The following SORCS2 variants were observed in gnomAD, a reference collection of about 807,000 sequenced individuals.
SORCS2 encodes the protein sortilin related VPS10 domain containing receptor 2.
SORCS2 carries 100 observed loss-of-function variants against 141.6 expected under a neutral mutation model. The observed-to-expected ratio is 0.71, with a 90% CI of 0.60 to 0.83. The LOEUF (loss-of-function observed/expected upper bound fraction) is 0.83, where lower values mean the gene tolerates loss of function less well. Ranked by LOEUF, SORCS2 falls within the 40% of genes least tolerant of loss-of-function variation. The pLI is 0.00. For synonymous variants in SORCS2, 789 were observed against 676.9 expected (o/e 1.17, Z -2.57); for missense variants, 1,646 against 1,560.2 (o/e 1.05, Z -0.93).
chr4:7,731,875 C>G (rs75325750), intron 23 of SORCS2, among the ~76,000 whole-genome samples: 1 of 152,278 alleles, frequency 6.6e-6, no homozygotes, highest in African/African-American at 2.4e-5. Context: ...TAGTGAAAAA[C>G]TATGCATCAG....
intron 1 of SORCS2, among the ~76,000 whole-genome samples, chr4:7,339,981 G>T (rs963495562): frequency 6.6e-6 from 1 of 152,200 alleles, no homozygotes; most frequent in Non-Finnish European, 1.5e-5. Flanking sequence ...ACCTTGAGGC[G>T]AGGAGAGGCT....
At chr4:7,210,992 C>T (rs1044020404) in intron 1 of SORCS2, among the ~76,000 whole-genome samples, 3 of 152,188 alleles carry the variant, frequency 2.0e-5, no homozygotes, top group Non-Finnish European at 4.4e-5. Flanking sequence ...TGGAGTGGGC[C>T]CAGGCTCCAC....
intron 2 of SORCS2, among the ~76,000 whole-genome samples, chr4:7,497,158 C>T (rs557616613): frequency 2.1e-4 from 32 of 152,340 alleles, no homozygotes; most frequent in South Asian, 8.3e-4. Flanking sequence ...CTTGAGGATC[C>T]GCATGGCGCT....
chr4:7,343,873 C>A (rs563494479), intron 1 of SORCS2, among the ~76,000 whole-genome samples: 1 of 152,196 alleles, frequency 6.6e-6, no homozygotes, highest in Non-Finnish European at 1.5e-5. Context: ...TGGAGGGGAG[C>A]CCAAGGCTTC....
intron 5 of SORCS2, among the ~76,000 whole-genome samples, chr4:7,655,485 A>G (rs1721705559): frequency 6.6e-6 from 1 of 152,224 alleles, no homozygotes; most frequent in African/African-American, 2.4e-5. Flanking sequence ...AGAGTGGGCA[A>G]GGGCCCTTCG....
intron 9 of SORCS2, among the ~76,000 whole-genome samples, chr4:7,677,970 C>T (rs1038249818): frequency 6.6e-6 from 1 of 152,172 alleles, no homozygotes; most frequent in Non-Finnish European, 1.5e-5. Flanking sequence ...GGGAAGGGTG[C>T]CAAGAACAGG....
intron 2 of SORCS2, among the ~76,000 whole-genome samples, chr4:7,410,948 C>CTTT (rs1560262247): frequency 3.2e-5 from 3 of 94,572 alleles, no homozygotes; most frequent in African/African-American, 1.1e-4. Flanking sequence ...TTCTCTCCAT[C>CTTT]CTTTTTTTTT....
intron 3 of SORCS2, among the ~76,000 whole-genome samples, chr4:7,541,998 A>G (rs1228026262): frequency 6.6e-6 from 1 of 151,950 alleles, no homozygotes; most frequent in African/African-American, 2.4e-5. Flanking sequence ...CCAGCTCCCC[A>G]CTTTTTGGCC....
rs182044697 is a variant in SORCS2 at position 7,570,315 on chromosome 4, C to T, written c.648+38686C>T. Among the ~76,000 whole-genome samples, 105 of 152,290 alleles carry T rather than the reference C, an allele frequency of 6.9e-4. No individual in the cohort carries two copies. In the East Asian group the frequency reaches 0.017, roughly 24 times the overall value. The stretch of plus-strand genomic sequence containing the variant: ...GTGTCCCACTTTGTACTCACAGCCT[C>T]GAGGCAACCTCCACTCATGACGGTG... On this transcript the variant is annotated intron_variant, in intron 3 of 26. Transcript: ENST00000507866.
chr4:7,570,504 C>G (rs1469161986), intron 3 of SORCS2, among the ~76,000 whole-genome samples: 1 of 152,252 alleles, frequency 6.6e-6, no homozygotes, highest in Non-Finnish European at 1.5e-5. Flanking sequence ...GTGTCCCCAT[C>G]TGCATGTCAC....
rs535161076 is a variant in SORCS2 at position 7,741,267 on chromosome 4, G to A, written c.*1003G>A. ...TGGCAGGGCTGGAAGGGCCATCAGC[G>A]TGACCCTCATTTTCAAGAAGGGGAA... On this transcript the variant is annotated 3_prime_UTR_variant, in exon 27 of 27. Transcript: ENST00000507866. 8 of 398,922 alleles carry A rather than the reference G, an allele frequency of 2.0e-5. No individual in the cohort carries two copies. The highest frequency in any genetic ancestry group is 1.3e-4 in the South Asian group (1 of 7,850). 24.7% of individuals were successfully genotyped at this position (398,922 alleles called of 1,614,324 possible).
intron 1 of SORCS2, among the ~76,000 whole-genome samples, chr4:7,383,724 C>T (rs145680965): frequency 5.3e-5 from 8 of 152,004 alleles, no homozygotes; most frequent in East Asian, 3.9e-4. Flanking sequence ...TGAATAGCAA[C>T]GACAAAAAAC....
chr4:7,733,801 A>T (rs1228874356), intron 24 of SORCS2, among the ~76,000 whole-genome samples: 1 of 152,198 alleles, frequency 6.6e-6, no homozygotes, highest in Non-Finnish European at 1.5e-5. Context: ...GGTTCGCCCC[A>T]CACCAGCATC....
At chr4:7,316,352 T>C (rs761238036) in intron 1 of SORCS2, among the ~76,000 whole-genome samples, 104 of 152,358 alleles carry the variant, frequency 6.8e-4, no homozygotes, top group Admixed American at 1.2e-3. Flanking sequence ...CTGTGCTGTG[T>C]GTCTGGGATA....
intron 1 of SORCS2, among the ~76,000 whole-genome samples, chr4:7,365,235 A>C (rs1721806937): frequency 1.3e-5 from 2 of 152,216 alleles, no homozygotes; most frequent in Admixed American, 1.3e-4. Flanking sequence ...TGGCTGCAGC[A>C]TGGAGGATGG....
intron 4 of SORCS2, among the ~76,000 whole-genome samples, chr4:7,647,351 G>T (rs1194096478): frequency 1.3e-5 from 2 of 152,180 alleles, no homozygotes. Flanking sequence ...GATTGCTGAA[G>T]AGAAAGAGAT....
At chr4:7,701,675 C>T (rs976284570) in intron 12 of SORCS2, among the ~76,000 whole-genome samples, 15 of 152,300 alleles carry the variant, frequency 9.8e-5, no homozygotes, top group African/African-American at 3.6e-4. Context: ...CTGCCGGCCC[C>T]CACCCAGGTC....
intron 2 of SORCS2, among the ~76,000 whole-genome samples, chr4:7,473,841 C>G (rs893333894): frequency 1.3e-5 from 2 of 152,154 alleles, no homozygotes; most frequent in South Asian, 4.1e-4. Flanking sequence ...AGGCCTGGCT[C>G]TGGCGGGGTC....
intron 2 of SORCS2, among the ~76,000 whole-genome samples, chr4:7,412,477 C>T (rs1255546512): frequency 6.6e-6 from 1 of 152,176 alleles, no homozygotes; most frequent in Non-Finnish European, 1.5e-5. Context: ...GCATTCTGAG[C>T]TCACAGCCAG....
Sources: allele counts gnomAD v4.1 joint callset (sites outside exome capture counted in the v4.1 genomes callset), GRCh38; gene constraint gnomAD v4.1.1; transcripts MANE v1.5; gene names NCBI Gene and HGNC (gene_info 2026-07-23, HGNC 2026-07-21).